Variants in CDRT4 observed in about 807,000 individuals in gnomAD.
The protein encoded by CDRT4 is CMT1A duplicated region transcript 4 protein.
For synonymous variants in CDRT4, 64 were observed against 69.6 expected, an observed-to-expected ratio of 0.92 and a Z score of 0.40; for missense variants, 167 against 193.1, an observed-to-expected ratio of 0.87 and a Z score of 0.80.
intron 2 of CDRT4, chr17:15,444,159 GA>G: frequency 5.7e-6 from 7 of 1,226,374 alleles, no homozygotes; most frequent in African/African-American, 1.5e-5. Context: ...ATATGTCTCT[GA>G]AAAAGGAACT....
At chr17:15,446,865 G>A (rs1452762473) in intron 2 of CDRT4, among the ~76,000 whole-genome samples, 1 of 152,144 alleles carries the variant, frequency 6.6e-6, no homozygotes, top group Non-Finnish European at 1.5e-5. Context: ...TGTGTACGTT[G>A]AGGGCATTTT....
chr17:15,439,643 A>G (rs371775006), intron 3 of CDRT4, among the ~76,000 whole-genome samples: 2 of 152,288 alleles, frequency 1.3e-5, no homozygotes, highest in East Asian at 3.9e-4. Context: ...CCATAACAAG[A>G]GTGGCTGCCC....
intron 2 of CDRT4, among the ~76,000 whole-genome samples, chr17:15,448,065 C>T (rs2954773): frequency 0.17 from 26,252 of 152,094 alleles, 4,070 homozygotes; most frequent in East Asian, 0.48. Context: ...AGTCCTGCTC[C>T]GTTGAAACAA....
At chr17:15,447,046 C>T (rs1208858015) in intron 2 of CDRT4, among the ~76,000 whole-genome samples, 1 of 152,222 alleles carries the variant, frequency 6.6e-6, no homozygotes, top group African/African-American at 2.4e-5. Context: ...ACATTTGCCT[C>T]TTACTTTGGG....
At chr17:15,451,578 C>A (rs1163356801) in intron 2 of CDRT4, among the ~76,000 whole-genome samples, 1 of 152,204 alleles carries the variant, frequency 6.6e-6, no homozygotes, top group East Asian at 1.9e-4. Flanking sequence ...CTCCCCACAT[C>A]ACCCACTGTG....
At chr17:15,454,990 A>G (rs1450827570) in intron 1 of CDRT4, among the ~76,000 whole-genome samples, 1 of 152,198 alleles carries the variant, frequency 6.6e-6, no homozygotes, top group Non-Finnish European at 1.5e-5. Flanking sequence ...TATACATTCT[A>G]TTCTATGATT....
chr17:15,437,025 T>C lies in CDRT4; in HGVS notation c.*748A>G, dbSNP rs1421695449. ...AGCTTCCTGTCCCTTGCCAGACAGGTTGCTAACCCTAGCAGTGCTTTTTCT... is the reference window on the plus strand; with the variant it reads ...AGCTTCCTGTCCCTTGCCAGACAGGCTGCTAACCCTAGCAGTGCTTTTTCT... On this transcript the variant is annotated 3_prime_UTR_variant, in exon 4 of 4. Coordinates refer to ENST00000619038, the MANE Select transcript of CDRT4 (RefSeq NM_001204477.2). 1 of 152,196 alleles carries C rather than the reference T, an allele frequency of 6.6e-6. No individual in the cohort carries two copies. Among genetic ancestry groups the C allele is most frequent in the African/African-American group, 2.4e-5 (1 of 41,444 alleles). The allele number at this position is 152,196 out of a possible 1,614,324, so 9.4% of individuals were successfully genotyped here.
chr17:15,445,976 T>G (rs1979005331), intron 2 of CDRT4, among the ~76,000 whole-genome samples: 1 of 152,158 alleles, frequency 6.6e-6, no homozygotes, highest in African/African-American at 2.4e-5. Context: ...CCCTCTGCTT[T>G]TTTCTTTTTT....
Position 15,442,756 on chromosome 17 carries a change from C to T in CDRT4, c.-47-2471G>A, listed in dbSNP as rs138355648. Among the ~76,000 whole-genome samples, 786 of 152,126 alleles carry T rather than the reference C, an allele frequency of 5.2e-3. 5 individuals are homozygous for T. Among genetic ancestry groups the T allele is most frequent in the Middle Eastern group, 0.024 (7 of 294 alleles). ...ACCTGCTGAAGCAGGAACTAGGAAA[C>T]GATAAAAAGAACCAAGGGAGGGAGT... is the stretch of plus-strand genomic sequence containing the variant. On this transcript the variant is annotated intron_variant, in intron 2 of 3. Coordinates refer to ENST00000619038, the MANE Select transcript of CDRT4 (RefSeq NM_001204477.2).
At chr17:15,449,024 G>A (rs1426615541) in intron 2 of CDRT4, among the ~76,000 whole-genome samples, 1 of 152,134 alleles carries the variant, frequency 6.6e-6, no homozygotes, top group Admixed American at 6.5e-5. Context: ...CAATAACGAT[G>A]CTACATCCAA....
chr17:15,449,671 T>C (rs963536302), intron 2 of CDRT4, among the ~76,000 whole-genome samples: 1 of 152,188 alleles, frequency 6.6e-6, no homozygotes, highest in African/African-American at 2.4e-5. Context: ...ATATTGAACT[T>C]TGTACCCAAC....
intron 2 of CDRT4, among the ~76,000 whole-genome samples, chr17:15,441,482 AAGCCTTTTTTATC>A (rs1978755368): frequency 6.6e-6 from 1 of 152,086 alleles, no homozygotes; most frequent in Admixed American, 6.6e-5. Context: ...AGTGGGTGTT[AAGCCTTTTTTATC>A]AGCTGCCACG....
chr17:15,464,461 C>T lies in CDRT4; in HGVS notation c.-130+2999G>A, dbSNP rs1482658320. On this transcript the variant is annotated intron_variant, in intron 1 of 3. Transcript: ENST00000619038. The surrounding 1 kb of genome is among the most constrained non-coding windows in gnomAD (Gnocchi z 4.5). ...CCGAGCTCGCTTCTTCCCTTCCCAC[C>T]CCTTGCTAGTTGGAGCTGATTCCTG... Among the ~76,000 whole-genome samples, 1 of 152,144 alleles carries T rather than the reference C, an allele frequency of 6.6e-6. No individual in the cohort carries two copies. The highest frequency in any genetic ancestry group is 1.9e-4 in the East Asian group (1 of 5,194).
chr17:15,457,549 C>T (rs191462400), intron 1 of CDRT4, among the ~76,000 whole-genome samples: 3 of 152,316 alleles, frequency 2.0e-5, no homozygotes, highest in East Asian at 1.9e-4. Flanking sequence ...TGCCAACTGC[C>T]GTAAACCTGT....
At chr17:15,466,332 G>A (rs919585827) in intron 1 of CDRT4, among the ~76,000 whole-genome samples, 2 of 152,194 alleles carry the variant, frequency 1.3e-5, no homozygotes, top group Non-Finnish European at 2.9e-5. Context: ...TGCCTGGGGT[G>A]GGAGCCTGGG....
intron 2 of CDRT4, among the ~76,000 whole-genome samples, chr17:15,448,998 C>T (rs564545231): frequency 1.2e-4 from 18 of 152,344 alleles, no homozygotes; most frequent in African/African-American, 4.3e-4. Flanking sequence ...GATCAGGCCA[C>T]TGTTCTTATC....
intron 1 of CDRT4, among the ~76,000 whole-genome samples, chr17:15,455,875 TC>T (rs1353356231): frequency 6.6e-6 from 1 of 152,196 alleles, no homozygotes; most frequent in Non-Finnish European, 1.5e-5. Context: ...ATGGAGAGAC[TC>T]TGAGACAGAG....
chr17:15,445,011 T>C (rs1215831175), intron 2 of CDRT4, among the ~76,000 whole-genome samples: 4 of 152,214 alleles, frequency 2.6e-5, no homozygotes, highest in Non-Finnish European at 5.9e-5. Context: ...GGCCGCAAGC[T>C]GCATCCTTAT....
intron 1 of CDRT4, among the ~76,000 whole-genome samples, chr17:15,458,683 G>A (rs565038260): frequency 3.6e-3 from 552 of 152,188 alleles, no homozygotes; most frequent in Middle Eastern, 0.014. Context: ...ATACACCACC[G>A]AAGGCTTATT....
Sources: allele counts gnomAD v4.1 joint callset (sites outside exome capture counted in the v4.1 genomes callset), GRCh38; gene constraint gnomAD v4.1.1; non-coding constraint Gnocchi (gnomAD v3.1); transcripts MANE v1.5; gene names NCBI Gene and HGNC (gene_info 2026-07-23, HGNC 2026-07-21).